Variants in CFAP100 observed in about 807,000 individuals in gnomAD.
CFAP100 encodes cilia- and flagella-associated protein 100.
Under a neutral mutation model 81.5 loss-of-function variants are expected in CFAP100, and 70 were observed. The observed-to-expected ratio is 0.86, with a 90% CI of 0.71 to 1.05. The LOEUF (loss-of-function observed/expected upper bound fraction) is 1.05. Among genes scored for constraint, CFAP100 ranks in the 50% least tolerant of loss-of-function variants. The pLI, the probability that CFAP100 is intolerant of heterozygous loss-of-function variation, is 0.00. For synonymous variants in CFAP100, 341 were observed against 314.8 expected (o/e 1.08, Z -0.88); for missense variants, 811 against 776.5 (o/e 1.04, Z -0.53).
intron 3 of CFAP100, 48 bp from the exon 4 acceptor site, chr3:126,414,037 G>C: frequency 7.2e-7 from 1 of 1,396,602 alleles, no homozygotes; most frequent in Non-Finnish European, 1.0e-6. Context: ...AGAGACCACC[G>C]CCTGGAAGAG....
chr3:126,431,617 T>C (rs1933231088), intron 13 of CFAP100, among the ~76,000 whole-genome samples: 2 of 152,170 alleles, frequency 1.3e-5, no homozygotes, highest in South Asian at 2.1e-4. Flanking sequence ...AGTGTTTCTG[T>C]GGAAGGACAA....
intron 4 of CFAP100, 72 bp from the exon 5 acceptor site, chr3:126,416,244 G>A: frequency 7.2e-7 from 1 of 1,392,518 alleles, no homozygotes; most frequent in Non-Finnish European, 9.8e-7. Context: ...CCTAGGAATG[G>A]GGAACCGCGC....
In CFAP100 at chr3:126,414,070, T is replaced by C; in HGVS notation, c.131-15T>C. ...GAGCTGGCTCCCCTTTCCAGAGAGG[T>C]GTCTCCCTTTCCAGAACATGGTCCT... is the stretch of plus-strand genomic sequence containing the variant. On this transcript the variant is annotated splice_polypyrimidine_tract_variant and intron_variant, in intron 3 of 16. Transcript: ENST00000352312. The C allele has an allele frequency of 6.3e-7, 1 of 1,592,748 alleles. No individual in the cohort carries two copies. The highest frequency in any genetic ancestry group is 1.1e-5 in the South Asian group (1 of 90,574).
chr3:126,407,144 T>C, intron 2 of CFAP100, 28 bp from the exon 3 acceptor site: 5 of 1,561,354 alleles, frequency 3.2e-6, no homozygotes, highest in Non-Finnish European at 4.4e-6. Flanking sequence ...GAGTCACTGC[T>C]GCGGCCCTCA....
intron 14 of CFAP100, 25 bp downstream of exon 14, chr3:126,433,229 G>A (rs1933300991): frequency 6.2e-7 from 1 of 1,613,432 alleles, no homozygotes; most frequent in African/African-American, 1.3e-5. Flanking sequence ...AAGGTGGCCA[G>A]AGGCCCAGGG....
chr3:126,418,790 C>T lies in CFAP100; in HGVS notation c.650+16C>T, dbSNP rs115114633. 2,578 of 1,566,986 alleles carry T rather than the reference C, an allele frequency of 1.6e-3. 27 individuals carry two copies. In the African/African-American group the frequency reaches 0.021, roughly 13 times the overall value. On this transcript the variant is annotated intron_variant, in intron 7 of 16. Coordinates refer to ENST00000352312, the MANE Select transcript of CFAP100 (RefSeq NM_182628.3). ...CCATGAGAGCGTGAGCCTGCGGGCC[C>T]GAGGGGCTGGCTGGGCAATGCCGAA...
chr3:126,422,909 G>A (rs1445464959), intron 11 of CFAP100, among the ~76,000 whole-genome samples: 1 of 152,198 alleles, frequency 6.6e-6, no homozygotes, highest in Non-Finnish European at 1.5e-5. Flanking sequence ...GATGGGACCT[G>A]GCCAGGCAGG....
chr3:126,399,623 C>T (rs2082940314), intron 2 of CFAP100, among the ~76,000 whole-genome samples: 2 of 152,104 alleles, frequency 1.3e-5, no homozygotes, highest in African/African-American at 4.8e-5. Flanking sequence ...TAAATGAAGC[C>T]ACTCATTGAC....
chr3:126,420,173 G>C lies in CFAP100; in HGVS notation c.1026G>C (p.Leu342=), dbSNP rs2083306659. ...TMRLGRSPSY[L]SSPQQGSQPS... Reference sequence around the variant, plus strand: ...GGCTGGGGCGGAGCCCGTCTTACCTGAGCAGCCCCCAGCAAGGCAGCCAGC... The same window carrying C: ...GGCTGGGGCGGAGCCCGTCTTACCTCAGCAGCCCCCAGCAAGGCAGCCAGC... Residue 342 remains leucine, a synonymous_variant, in exon 11 of 17, where the codon CTG becomes CTC. Transcript: ENST00000352312. 1.1e-5 allele frequency: 18 copies of C among 1,612,804 alleles called. No homozygotes were observed. Among genetic ancestry groups the C allele is most frequent in the Non-Finnish European group, 1.4e-5 (17 of 1,179,992 alleles).
chr3:126,397,337 G>T (rs758999155), intron 2 of CFAP100, among the ~76,000 whole-genome samples: 1 of 152,162 alleles, frequency 6.6e-6, no homozygotes, highest in African/African-American at 2.4e-5. Context: ...GTGTGCACAC[G>T]CTCTCTCGTT....
At chr3:126,419,612 A>G in intron 8 of CFAP100, 25 bp from the exon 9 acceptor site, 1 of 1,607,068 alleles carries the variant, frequency 6.2e-7, no homozygotes, top group Non-Finnish European at 8.5e-7. Context: ...CCTCCTTCCC[A>G]CATCCTCACC....
intron 13 of CFAP100, among the ~76,000 whole-genome samples, chr3:126,425,545 G>A (rs1025095286): frequency 1.2e-4 from 18 of 152,150 alleles, no homozygotes; most frequent in Admixed American, 4.6e-4. Flanking sequence ...TAGGAGCAGA[G>A]GGAGTACTTC....
At chr3:126,395,883 G>T in intron 1 of CFAP100, 59 bp from the exon 2 acceptor site, 1 of 863,944 alleles carries the variant, frequency 1.2e-6, no homozygotes. Context: ...CAGCCACCCA[G>T]GGGGAAGGAA....
intron 7 of CFAP100, 107 bp downstream of exon 7, chr3:126,418,881 C>T: frequency 7.3e-7 from 1 of 1,364,736 alleles, no homozygotes. Context: ...CCTGCAACTC[C>T]TCTGGAAGCA....
Position 126,418,510 on chromosome 3 carries a change from A to G in CFAP100, c.471A>G (p.Gln157=). 1 of 1,614,084 alleles carries G rather than the reference A, an allele frequency of 6.2e-7. No individual in the cohort carries two copies. The highest frequency in any genetic ancestry group is 2.2e-5 in the East Asian group (1 of 44,850). The change falls in exon 6 of 17, where the codon CAA becomes CAG. Residue 157 remains glutamine, a synonymous_variant. Transcript: ENST00000352312. ...GTGGCTACATTAAGCAGAAGCGGCA[A>G]ATGTTCCTCCTCCAGGTAGGTCCCG... ...NMSGYIKQKR[Q]MFLLQYALDV...
rs776787604 is a variant in CFAP100, at chr3:126,416,304, C to A, written c.226-12C>A. 8.3e-5 allele frequency: 130 copies of A among 1,574,772 alleles called. 1 individual carries two copies. The highest frequency in any genetic ancestry group is 8.0e-4 in the South Asian group (70 of 87,388). On this transcript the variant is annotated splice_polypyrimidine_tract_variant and intron_variant, in intron 4 of 16. Coordinates refer to ENST00000352312, the MANE Select transcript of CFAP100 (RefSeq NM_182628.3). The stretch of plus-strand genomic sequence containing the variant: ...AGCCTGGGCCCCGCCCGACTTGGCC[C>A]GACGCCCCCAGGAACGGCAGCAGCA...
At chr3:126,425,790 C>T (rs1281731793) in intron 13 of CFAP100, among the ~76,000 whole-genome samples, 3 of 152,174 alleles carry the variant, frequency 2.0e-5, no homozygotes, top group African/African-American at 7.2e-5. Flanking sequence ...CTGTCATATC[C>T]ACATGTTAAA....
At position 126,429,550 on chromosome 3, in the gene CFAP100, ATGTTTT is replaced by A. The variant is rs1008511692; in HGVS notation, c.1287-3505_1287-3500del. ...CCTCTTCTGCTTTCTTTTGGGTTTG[ATGTTTT>A]TGTTTTTGTTTTTCAGTGATCTGCT... On this transcript the variant is annotated intron_variant, in intron 13 of 16. Coordinates refer to ENST00000352312, the MANE Select transcript of CFAP100 (RefSeq NM_182628.3). 1.5e-4 allele frequency among the ~76,000 whole-genome samples: 22 copies of A among 144,540 alleles called. No homozygotes were observed. The South Asian group carries it at 3.0e-3, about 20-fold the overall frequency. 94.8% of individuals were successfully genotyped at this position (144,540 alleles called of 152,430 possible). A position where few individuals can be genotyped will look rare whatever the true frequency, so the allele number is the denominator to read the frequency against.
intron 2 of CFAP100, among the ~76,000 whole-genome samples, chr3:126,406,169 T>A (rs2083060112): frequency 6.6e-6 from 1 of 152,062 alleles, no homozygotes; most frequent in African/African-American, 2.4e-5. Flanking sequence ...GACTATACAT[T>A]ATGGATTCTG....
Sources: gnomAD v4.1 joint callset for allele counts (sites outside exome capture counted in the v4.1 genomes callset) on GRCh38, gnomAD v4.1.1 for gene constraint, MANE v1.5 for transcripts, NCBI Gene and HGNC (gene_info 2026-07-23, HGNC 2026-07-21) for gene names.